TPRG1: variants seen among roughly 807,000 people sequenced by gnomAD.
TPRG1 encodes tumor protein p63 regulated 1.
TPRG1 carries 29 observed loss-of-function variants against 29.3 expected under a neutral mutation model. The ratio of observed to expected loss-of-function variants is 0.99; its 90% CI spans 0.74 to 1.35. The LOEUF (loss-of-function observed/expected upper bound fraction) is 1.35, where lower values mean the gene tolerates loss of function less well. TPRG1 is among the 40% of genes most tolerant of loss of function. The probability of loss-of-function intolerance (pLI) is 0.00; values close to 1 mark genes in which losing one functional copy is unlikely to be tolerated. For missense variants in TPRG1, 327 were observed against 335.0 expected (o/e 0.98, Z 0.19); for synonymous variants, 130 against 116.8 (o/e 1.11, Z -0.73).
intron 3 of TPRG1, among the ~76,000 whole-genome samples, chr3:189,143,908 G>T (rs189418962): frequency 1.3e-5 from 2 of 152,022 alleles, no homozygotes; most frequent in African/African-American, 2.4e-5. Context: ...CTCCAATAGC[G>T]TGACTTATTC....
In TPRG1 at chr3:189,324,402, T is replaced by C. The variant is rs1724554075; in HGVS notation, c.*3582T>C. On this transcript the variant is annotated 3_prime_UTR_variant, in exon 6 of 6. Coordinates refer to ENST00000345063, the MANE Select transcript of TPRG1 (RefSeq NM_198485.4). Reference sequence around the variant, plus strand: ...TTTCCAATATAATATCTGTATTCCATGGGAAAGACATGCCATCTGAATTGA... The same window carrying C: ...TTTCCAATATAATATCTGTATTCCACGGGAAAGACATGCCATCTGAATTGA... 2 of 152,134 alleles carry C rather than the reference T, an allele frequency of 1.3e-5. No homozygotes were observed. Among genetic ancestry groups the C allele is most frequent in the South Asian group, 4.1e-4 (2 of 4,826 alleles). 9.4% of individuals were successfully genotyped at this position (152,134 alleles called of 1,614,324 possible). A position where few individuals can be genotyped will look rare whatever the true frequency, so the allele number is the denominator to read the frequency against.
At chr3:189,123,583 G>C (rs1009675667) in intron 1 of TPRG1, 2 of 152,174 alleles carry the variant, frequency 1.3e-5, no homozygotes, top group African/African-American at 4.8e-5. Flanking sequence ...CAAAAGCTTT[G>C]GTAGGCAGCC....
chr3:189,108,247 T>C (rs1475835543), intron 1 of TPRG1, among the ~76,000 whole-genome samples: 3 of 152,150 alleles, frequency 2.0e-5, no homozygotes, highest in Non-Finnish European at 4.4e-5. Context: ...TGCGATTGTT[T>C]AGACTGTCTG....
At chr3:189,236,572 C>T (rs967487490) in intron 3 of TPRG1, among the ~76,000 whole-genome samples, 1 of 152,140 alleles carries the variant, frequency 6.6e-6, no homozygotes, top group Non-Finnish European at 1.5e-5. Context: ...ACTGTTGAAC[C>T]AAGACTTAAA....
intron 3 of TPRG1, among the ~76,000 whole-genome samples, chr3:189,009,732 T>C (rs1314411133): frequency 2.6e-5 from 4 of 152,078 alleles, no homozygotes; most frequent in African/African-American, 9.7e-5. Context: ...ACCAATAGTG[T>C]TATCTTATGA....
intron 5 of TPRG1, among the ~76,000 whole-genome samples, chr3:189,158,910 T>C (rs1004008099): frequency 7.2e-5 from 11 of 152,074 alleles, no homozygotes; most frequent in Non-Finnish European, 8.8e-5. Flanking sequence ...TCCAAAGAGC[T>C]CATCAAGTTT....
In TPRG1 at chr3:189,322,881, G is replaced by A. The variant is rs1353997428; in HGVS notation, c.*2061G>A. ...TGTAACAATGGGATAAGCATTTAAT[G>A]GAATCAAAGCTGTTTTGCATAAAGA... is the stretch of plus-strand genomic sequence containing the variant. On this transcript the variant is annotated 3_prime_UTR_variant, in exon 6 of 6. Coordinates refer to ENST00000345063, the MANE Select transcript of TPRG1 (RefSeq NM_198485.4). The A allele has an allele frequency of 6.6e-6, 1 of 152,060 alleles. No homozygotes were observed. The highest frequency in any genetic ancestry group is 1.5e-5 in the Non-Finnish European group (1 of 67,994). 9.4% of individuals were successfully genotyped at this position (152,060 alleles called of 1,614,324 possible).
chr3:189,135,302 A>G (rs1009439988), intron 3 of TPRG1, among the ~76,000 whole-genome samples: 8 of 152,212 alleles, frequency 5.3e-5, no homozygotes, highest in Non-Finnish European at 1.0e-4. Context: ...TTGAGCGTCA[A>G]CATCACTTGT....
intron 3 of TPRG1, among the ~76,000 whole-genome samples, chr3:189,216,057 C>T (rs75973094): frequency 0.016 from 2,414 of 152,210 alleles, 70 homozygotes; most frequent in African/African-American, 0.055. Flanking sequence ...CTTTACCCGC[C>T]AAGTAAATAT....
intron 3 of TPRG1, among the ~76,000 whole-genome samples, chr3:189,136,576 C>T (rs1723771126): frequency 6.6e-6 from 1 of 152,182 alleles, no homozygotes; most frequent in Admixed American, 6.5e-5. Context: ...AAAAATGTCT[C>T]TGCTAACTGG....
upstream of TPRG1, among the ~76,000 whole-genome samples, chr3:189,097,724 A>T (rs1336800386): frequency 6.6e-6 from 1 of 152,242 alleles, no homozygotes; most frequent in African/African-American, 2.4e-5. Flanking sequence ...AGGCCCCAGC[A>T]ATTTTACCTG....
At chr3:189,078,068 C>CTTTCTCTCTTT (rs57725294) in intron 4 of TPRG1, among the ~76,000 whole-genome samples, 16 of 124,070 alleles carry the variant, frequency 1.3e-4, no homozygotes, top group African/African-American at 5.2e-4. Context: ...TCCTTTCTCT[C>CTTTCTCTCTTT]CTTTCTCTCT....
chr3:189,228,375 C>G (rs1331513666), intron 3 of TPRG1, among the ~76,000 whole-genome samples: 2 of 135,372 alleles, frequency 1.5e-5, no homozygotes, highest in Non-Finnish European at 3.2e-5. Flanking sequence ...TTCTTAATAG[C>G]AAATATAACA....
At chr3:189,063,432 T>C (rs7636775) in intron 4 of TPRG1, among the ~76,000 whole-genome samples, 2,716 of 152,168 alleles carry the variant, frequency 0.018, 89 homozygotes, top group African/African-American at 0.061. Flanking sequence ...AAACGACATA[T>C]GTAAAAACTC....
chr3:189,091,467 C>A (rs1178297273), intron 4 of TPRG1, among the ~76,000 whole-genome samples: 2 of 152,238 alleles, frequency 1.3e-5, no homozygotes, highest in African/African-American at 2.4e-5. Flanking sequence ...CTATACAATG[C>A]TCTCCACACC....
At chr3:189,284,666 T>C (rs535217387) in intron 4 of TPRG1, among the ~76,000 whole-genome samples, 3 of 152,162 alleles carry the variant, frequency 2.0e-5, no homozygotes, top group Non-Finnish European at 4.4e-5. Context: ...AATAAACATA[T>C]GTGTGCATGT....
intron 5 of TPRG1, among the ~76,000 whole-genome samples, chr3:189,154,128 G>A (rs575477245): frequency 3.5e-4 from 53 of 152,288 alleles, no homozygotes; most frequent in African/African-American, 1.2e-3. Context: ...TGGAAGGAAG[G>A]CATTGCATCT....
At chr3:189,292,633 T>C (rs1719207675) in intron 4 of TPRG1, among the ~76,000 whole-genome samples, 4 of 152,200 alleles carry the variant, frequency 2.6e-5, no homozygotes, top group Admixed American at 2.6e-4. Context: ...TTCAAACTTA[T>C]AGTAATTTGG....
chr3:189,296,634 A>C (rs1472443244), intron 4 of TPRG1, among the ~76,000 whole-genome samples: 1 of 152,192 alleles, frequency 6.6e-6, no homozygotes, highest in Non-Finnish European at 1.5e-5. Flanking sequence ...AGAAATAAGG[A>C]CATTGGAAAA....
Sources: gnomAD v4.1 joint callset for allele counts (sites outside exome capture counted in the v4.1 genomes callset) on GRCh38, gnomAD v4.1.1 for gene constraint, MANE v1.5 for transcripts, NCBI Gene and HGNC (gene_info 2026-07-23, HGNC 2026-07-21) for gene names.